Variants in LRRFIP2 observed in about 807,000 individuals in gnomAD.
LRRFIP2 encodes leucine-rich repeat flightless-interacting protein 2.
LRRFIP2 carries 109 observed loss-of-function variants against 125.9 expected under a neutral mutation model. The ratio of observed to expected loss-of-function variants is 0.87; its 90% CI spans 0.74 to 1.01. The LOEUF is 1.01. Ranked by LOEUF, LRRFIP2 falls within the 50% of genes least tolerant of loss-of-function variation. LRRFIP2 has a pLI of 0.00. For missense variants in LRRFIP2, 850 were observed against 862.3 expected, an observed-to-expected ratio of 0.99 and a Z score of 0.18; for synonymous variants, 291 against 293.1, an observed-to-expected ratio of 0.99 and a Z score of 0.07.
intron 1 of LRRFIP2, 107 bp downstream of exon 1, chr3:37,174,432 T>C (rs1018292281): frequency 2.0e-5 from 3 of 152,224 alleles, no homozygotes; most frequent in African/African-American, 7.2e-5. Context: ...ATAACTCATG[T>C]AGTTTCATTC....
rs1559965219 is a variant in LRRFIP2, at chr3:37,126,632, G to T, written c.228+998C>A. Among the ~76,000 whole-genome samples, 3 of 152,000 alleles carry T rather than the reference G, an allele frequency of 2.0e-5. No individual in the cohort carries two copies. In the East Asian group the frequency reaches 5.8e-4, roughly 30 times the overall value. ...CCAGCACTTTGAGAGGCCGAGGCGGGCGGATCACCTGAGGTCAGTAGTTCG... is the reference window on the plus strand; with the variant it reads ...CCAGCACTTTGAGAGGCCGAGGCGGTCGGATCACCTGAGGTCAGTAGTTCG... On this transcript the variant is annotated intron_variant, in intron 4 of 27. Transcript: ENST00000336686.
At chr3:37,069,618 A>G (rs2090794890) in intron 21 of LRRFIP2, among the ~76,000 whole-genome samples, 1 of 152,186 alleles carries the variant, frequency 6.6e-6, no homozygotes, top group African/African-American at 2.4e-5. Context: ...GGGAAGACTA[A>G]AAAGTTCTAT....
intron 6 of LRRFIP2, among the ~76,000 whole-genome samples, chr3:37,118,618 C>T (rs756551835): frequency 6.6e-6 from 1 of 152,186 alleles, no homozygotes; most frequent in African/African-American, 2.4e-5. Context: ...ATAGCACTGA[C>T]ACCAACATTT....
rs1045491994 is a variant in LRRFIP2 at position 37,060,725 on chromosome 3, G to A, written c.1750-1815C>T. Reference sequence around the variant, plus strand: ...CCTAAAAGTCCCAGGTCTTAATCTCGTCTCTTCAAATTATATACACTAACT... The same window carrying A: ...CCTAAAAGTCCCAGGTCTTAATCTCATCTCTTCAAATTATATACACTAACT... On this transcript the variant is annotated intron_variant, in intron 24 of 27. Coordinates refer to ENST00000336686, the MANE Select transcript of LRRFIP2 (RefSeq NM_006309.4). The surrounding 1 kb of genome is among the most constrained non-coding windows in gnomAD (Gnocchi z 4.1). 2.6e-5 allele frequency among the ~76,000 whole-genome samples: 4 copies of A among 151,592 alleles called. No individual in the cohort carries two copies. The highest frequency in any genetic ancestry group is 7.3e-5 in the African/African-American group (3 of 41,192).
chr3:37,101,812 G>A lies in LRRFIP2; in HGVS notation c.873+1112C>T, dbSNP rs1412213198. ...CTAATGCCAGCAAGAGAGGAGAAGC[G>A]TCAGAGAGATAATCAGGCTGTTATT... On this transcript the variant is annotated intron_variant, in intron 15 of 27. Coordinates refer to ENST00000336686, the MANE Select transcript of LRRFIP2 (RefSeq NM_006309.4). Among the ~76,000 whole-genome samples the A allele has an allele frequency of 1.1e-4, 16 of 152,264 alleles. No homozygotes were observed. In the East Asian group the frequency reaches 1.7e-3, roughly 17 times the overall value.
intron 4 of LRRFIP2, 151 bp downstream of exon 4, chr3:37,127,479 T>C (rs1234546874): frequency 1.6e-5 from 12 of 730,940 alleles, no homozygotes; most frequent in Non-Finnish European, 2.6e-5. Flanking sequence ...AGTATACCTC[T>C]GGTCCACTAT....
intron 1 of LRRFIP2, among the ~76,000 whole-genome samples, chr3:37,162,487 T>C (rs1043300203): frequency 4.6e-5 from 7 of 152,168 alleles, no homozygotes; most frequent in African/African-American, 1.7e-4. Context: ...AGACAATCTA[T>C]AAGTAGCCTA....
intron 11 of LRRFIP2, among the ~76,000 whole-genome samples, chr3:37,109,007 G>A (rs566702079): frequency 3.1e-4 from 47 of 152,152 alleles, no homozygotes; most frequent in Non-Finnish European, 6.2e-4. Context: ...GGTACAAAGA[G>A]CATTTTGCCT....
chr3:37,134,434 G>A (rs1452324406), intron 2 of LRRFIP2, among the ~76,000 whole-genome samples: 3 of 152,296 alleles, frequency 2.0e-5, no homozygotes, highest in South Asian at 4.1e-4. Context: ...AACCCCATTC[G>A]GAAGAGCACA....
chr3:37,114,110 C>CT (rs11337665), intron 7 of LRRFIP2, among the ~76,000 whole-genome samples: 7,755 of 148,498 alleles, frequency 0.052, 228 homozygotes, highest in Middle Eastern at 0.1. Flanking sequence ...ACTCATTTTA[C>CT]TTTTTTTTTT....
rs140600937 is a variant in LRRFIP2, at chr3:37,066,341, G to T, written c.1465-16C>A. ...TCTCTAGGGCCTGGTTTTAGGTAAG[G>T]TAGCAAGGGAAACAATGGCACAGAA... On this transcript the variant is annotated splice_polypyrimidine_tract_variant and intron_variant, in intron 21 of 27. Transcript: ENST00000336686. 1.3e-4 allele frequency: 200 copies of T among 1,597,356 alleles called. 1 individual carries two copies. The East Asian group carries it at 3.9e-3, about 31-fold the overall frequency.
chr3:37,080,696 C>T (rs530047329), intron 19 of LRRFIP2, among the ~76,000 whole-genome samples: 4 of 151,924 alleles, frequency 2.6e-5, no homozygotes, highest in South Asian at 2.1e-4. Flanking sequence ...ACTATGGGGA[C>T]GAAAACGGAA....
chr3:37,093,785 C>A (rs549233729), intron 17 of LRRFIP2, among the ~76,000 whole-genome samples: 1 of 152,284 alleles, frequency 6.6e-6, no homozygotes, highest in East Asian at 1.9e-4. Context: ...ACTTTTCCAG[C>A]CTTCTCTCTT....
At chr3:37,102,599 A>G (rs1191791202) in intron 15 of LRRFIP2, among the ~76,000 whole-genome samples, 2 of 150,996 alleles carry the variant, frequency 1.3e-5, no homozygotes, top group Non-Finnish European at 2.9e-5. Flanking sequence ...CCTAGGTTCA[A>G]GCGATATTCC....
At chr3:37,133,804 A>G (rs2095488945) in intron 2 of LRRFIP2, among the ~76,000 whole-genome samples, 1 of 152,236 alleles carries the variant, frequency 6.6e-6, no homozygotes, top group African/African-American at 2.4e-5. Context: ...TTCATGTTAC[A>G]TATATTTTAC....
chr3:37,066,236 C>T lies in LRRFIP2; in HGVS notation c.1554G>A (p.Val518=). 2 of 1,614,008 alleles carry T rather than the reference C, an allele frequency of 1.2e-6. No individual in the cohort carries two copies. Among genetic ancestry groups the T allele is most frequent in the Non-Finnish European group, 1.7e-6 (2 of 1,179,844 alleles). The change falls in exon 22 of 28, where the codon GTG becomes GTA. Residue 518 remains valine (V), a synonymous_variant. Transcript: ENST00000336686. ...REELADLQET[V]KTGEKHGLVI... is the part of the protein sequence containing the mutation. ...AATGCTAACATACCTCTCCCGTCTT[C>T]ACTGTCTCCTGCAGGTCAGCCAGCT...
intron 21 of LRRFIP2, among the ~76,000 whole-genome samples, chr3:37,072,257 T>C (rs1198070991): frequency 6.6e-6 from 1 of 152,018 alleles, no homozygotes; most frequent in Non-Finnish European, 1.5e-5. Context: ...TCCTAGCACT[T>C]TGGGAGGCCA....
intron 15 of LRRFIP2, among the ~76,000 whole-genome samples, chr3:37,098,624 C>T (rs1175220266): frequency 6.6e-6 from 1 of 151,960 alleles, no homozygotes; most frequent in East Asian, 1.9e-4. Context: ...AACTCCTGAC[C>T]TCAAGTGATC....
chr3:37,100,028 C>T (rs762449736), intron 15 of LRRFIP2, among the ~76,000 whole-genome samples: 21 of 152,016 alleles, frequency 1.4e-4, no homozygotes, highest in Non-Finnish European at 2.6e-4. Flanking sequence ...ATCAAGTCCC[C>T]TTTGTATTCC....
Sources: allele counts gnomAD v4.1 joint callset (sites outside exome capture counted in the v4.1 genomes callset), GRCh38; gene constraint gnomAD v4.1.1; non-coding constraint Gnocchi (gnomAD v3.1); transcripts MANE v1.5; gene names NCBI Gene and HGNC (gene_info 2026-07-23, HGNC 2026-07-21).